The following CREBRF variants were observed in gnomAD, a reference collection of about 807,000 sequenced individuals.
CREBRF encodes UPF0474 protein C5orf41.
In CREBRF, 5 loss-of-function variants were observed where a neutral mutation model predicts 66.1. The ratio of observed to expected loss-of-function variants is 0.08; its 90% CI spans 0.04 to 0.16. The LOEUF is 0.16. Among genes scored for constraint, CREBRF ranks in the 10% least tolerant of loss-of-function variants. CREBRF has a pLI of 1.00. For missense variants in CREBRF, 531 were observed against 744.9 expected (o/e 0.71, Z 3.34); for synonymous variants, 229 against 264.4 (o/e 0.87, Z 1.30).
chr5:173,100,118 G>GTGTGTGTGTGTGTGTATATA (rs70984939), intron 4 of CREBRF, among the ~76,000 whole-genome samples: 5 of 88,384 alleles, frequency 5.7e-5, no homozygotes, highest in Non-Finnish European at 8.5e-5. Context: ...GTGTGTGTGT[G>GTGTGTGTGTGTGTGTATATA]TATATATATA....
In CREBRF at chr5:173,080,726, C is replaced by T; in HGVS notation, c.-50C>T. 2 of 1,595,514 alleles carry T rather than the reference C, an allele frequency of 1.3e-6. No homozygotes were observed. The highest frequency in any genetic ancestry group is 1.7e-6 in the Non-Finnish European group (2 of 1,166,304). Reference sequence around the variant, plus strand: ...GTAAAGCTGGAAAGGAATTTACAAACAAGAAAAAAAAGAAGTTTGGAATCG... The same window carrying T: ...GTAAAGCTGGAAAGGAATTTACAAATAAGAAAAAAAAGAAGTTTGGAATCG... On this transcript the variant is annotated 5_prime_UTR_variant, in exon 2 of 9. Coordinates refer to ENST00000296953, the MANE Select transcript of CREBRF (RefSeq NM_153607.3).
In CREBRF at chr5:173,135,617, T is replaced by A. The variant is rs976286007; in HGVS notation, c.*1872T>A. 6.6e-6 allele frequency: 1 copy of A among 152,234 alleles called. No individual in the cohort carries two copies. The highest frequency in any genetic ancestry group is 2.4e-5 in the African/African-American group (1 of 41,458). The allele number at this position is 152,234 out of a possible 1,614,324, so 9.4% of individuals were successfully genotyped here. A position where few individuals can be genotyped will look rare whatever the true frequency, so the allele number is the denominator to read the frequency against. On this transcript the variant is annotated 3_prime_UTR_variant, in exon 9 of 9. Transcript: ENST00000296953. ...TATTTCTCCATTACCCACTGTAGGA[T>A]TTCTTTTTTAATTATACTTTGACTA... is the stretch of plus-strand genomic sequence containing the variant.
intron 1 of CREBRF, among the ~76,000 whole-genome samples, chr5:173,069,146 T>C (rs891199150): frequency 6.6e-6 from 1 of 151,930 alleles, no homozygotes; most frequent in Non-Finnish European, 1.5e-5. Flanking sequence ...ATCCCAGGAG[T>C]ATCACATACC....
At chr5:173,110,336 A>G (rs921780717) in intron 5 of CREBRF, 186 bp from the exon 6 acceptor site, 1 of 688,892 alleles carries the variant, frequency 1.5e-6, no homozygotes, top group Non-Finnish European at 2.7e-6. Flanking sequence ...TGCAGCCACA[A>G]GATGGGAAGG....
intron 8 of CREBRF, among the ~76,000 whole-genome samples, chr5:173,132,845 GACCTCAGGTGATCCGCCA>G (rs760628990): frequency 2.0e-5 from 3 of 150,520 alleles, no homozygotes; most frequent in Non-Finnish European, 4.4e-5. Flanking sequence ...GTGATCTGCC[GACCTCAGGTGATCCGCCA>G]ACCTCAGGTG....
At chr5:173,117,058 T>A (rs1190974657) in intron 7 of CREBRF, among the ~76,000 whole-genome samples, 1 of 152,110 alleles carries the variant, frequency 6.6e-6, no homozygotes, top group East Asian at 1.9e-4. Flanking sequence ...TTTTGCCATT[T>A]AAAAAAATTG....
chr5:173,111,379 G>A (rs1019809482), intron 6 of CREBRF, among the ~76,000 whole-genome samples: 2 of 151,910 alleles, frequency 1.3e-5, no homozygotes, highest in African/African-American at 4.8e-5. Flanking sequence ...GGATCTTCCC[G>A]CCTCAGCCCC....
intron 4 of CREBRF, among the ~76,000 whole-genome samples, chr5:173,095,164 A>G (rs1444388518): frequency 7.9e-6 from 1 of 125,820 alleles, no homozygotes; most frequent in Admixed American, 7.9e-5. Flanking sequence ...CCAGTACCAT[A>G]TTGTTATAAT....
chr5:173,076,342 G>A (rs2113694252), intron 1 of CREBRF, among the ~76,000 whole-genome samples: 1 of 152,274 alleles, frequency 6.6e-6, no homozygotes, highest in Non-Finnish European at 1.5e-5. Flanking sequence ...TTTCAAACAT[G>A]TTTTGGAGGG....
chr5:173,122,320 C>T (rs1051870809), intron 7 of CREBRF, among the ~76,000 whole-genome samples: 5 of 152,120 alleles, frequency 3.3e-5, no homozygotes, highest in Non-Finnish European at 7.4e-5. Flanking sequence ...AGGCTGGTCT[C>T]GAACTCCTGA....
chr5:173,088,901 C>T (rs544406097), intron 3 of CREBRF, among the ~76,000 whole-genome samples: 55 of 151,938 alleles, frequency 3.6e-4, no homozygotes, highest in Admixed American at 1.1e-3. Context: ...ACAGACAGGC[C>T]GGGCGCAGTG....
At position 173,105,479 on chromosome 5, in the gene CREBRF, T is replaced by G. The variant is rs1398959382; in HGVS notation, c.1223-3145T>G. Among the ~76,000 whole-genome samples, 4 of 152,080 alleles carry G rather than the reference T, an allele frequency of 2.6e-5. No homozygotes were observed. The East Asian group carries it at 7.7e-4, about 29-fold the overall frequency. On this transcript the variant is annotated intron_variant, in intron 4 of 8. Transcript: ENST00000296953. ...TAACAAGGGCCTTTTATTTATTTATTTATTTATTGAGACAGAATCTTGCTG... is the reference window on the plus strand; with the variant it reads ...TAACAAGGGCCTTTTATTTATTTATGTATTTATTGAGACAGAATCTTGCTG...
intron 4 of CREBRF, among the ~76,000 whole-genome samples, chr5:173,093,148 G>C (rs1758391303): frequency 3.3e-5 from 5 of 152,146 alleles, no homozygotes. Flanking sequence ...GAAACAAAGA[G>C]AGGATGGGTA....
chr5:173,085,618 T>G (rs761769270), intron 2 of CREBRF: 4 of 589,760 alleles, frequency 6.8e-6, no homozygotes, highest in Non-Finnish European at 1.2e-5. Flanking sequence ...GGCTTCACCA[T>G]CTTGGCCAGG....
At chr5:173,063,118 G>A (rs1467363988) in intron 1 of CREBRF, among the ~76,000 whole-genome samples, 1 of 152,076 alleles carries the variant, frequency 6.6e-6, no homozygotes, top group African/African-American at 2.4e-5. Flanking sequence ...CGAGTTTGAC[G>A]CAGGGTGCGG....
chr5:173,066,980 A>AT (rs1757454848), intron 1 of CREBRF, among the ~76,000 whole-genome samples: 1 of 151,468 alleles, frequency 6.6e-6, no homozygotes. Context: ...TGCCTGATTA[A>AT]TTTTTGATTT....
In CREBRF at chr5:173,137,301, T is replaced by G. The variant is rs1759608736; in HGVS notation, c.*3556T>G. The G allele has an allele frequency of 6.6e-6, 1 of 152,106 alleles. No homozygotes were observed. Among genetic ancestry groups the G allele is most frequent in the East Asian group, 1.9e-4 (1 of 5,204 alleles). 9.4% of individuals were successfully genotyped at this position (152,106 alleles called of 1,614,324 possible). ...GAGAATCAGAACTATTACAAAAGCA[T>G]CATGAAGGATTTCAGATGGGTATGG... On this transcript the variant is annotated 3_prime_UTR_variant, in exon 9 of 9. Coordinates refer to ENST00000296953, the MANE Select transcript of CREBRF (RefSeq NM_153607.3).
At chr5:173,099,309 C>G (rs1758557851) in intron 4 of CREBRF, among the ~76,000 whole-genome samples, 1 of 152,168 alleles carries the variant, frequency 6.6e-6, no homozygotes, top group African/African-American at 2.4e-5. Flanking sequence ...GCATGCACCC[C>G]CATACCCAGC....
intron 7 of CREBRF, among the ~76,000 whole-genome samples, chr5:173,120,683 CTTTTTTTTTTTTTTTTT>C (rs70984942): frequency 1.4e-4 from 7 of 51,218 alleles, no homozygotes; most frequent in East Asian, 6.0e-4. Context: ...GCCTGAGCCT[CTTTTTTTTTTTTTTTTT>C]TTTTTTTTTT....
Sources: gnomAD v4.1 joint callset for allele counts (sites outside exome capture counted in the v4.1 genomes callset) on GRCh38, gnomAD v4.1.1 for gene constraint, MANE v1.5 for transcripts, NCBI Gene and HGNC (gene_info 2026-07-23, HGNC 2026-07-21) for gene names.